ZNF333: variants seen among roughly 807,000 people sequenced by gnomAD.
ZNF333 encodes zinc finger protein 333.
ZNF333 carries 61 observed loss-of-function variants against 76.1 expected under a neutral mutation model. The ratio of observed to expected loss-of-function variants is 0.80; its 90% CI spans 0.65 to 0.99. The LOEUF is 0.99. Ranked by LOEUF, ZNF333 falls within the 50% of genes least tolerant of loss-of-function variation. ZNF333 has a pLI of 0.00. For missense variants in ZNF333, 717 were observed against 822.4 expected, an observed-to-expected ratio of 0.87 and a Z score of 1.57; for synonymous variants, 284 against 305.0, an observed-to-expected ratio of 0.93 and a Z score of 0.72.
chr19:14,720,897 A>C lies in ZNF333; in HGVS notation c.*1572A>C. ...TCAGTTTTTAAATTTATGTATATAC[A>C]TACATATATATGTTTTGAAGCAATG... On this transcript the variant is annotated 3_prime_UTR_variant, in exon 12 of 12. Coordinates refer to ENST00000292530, the MANE Select transcript of ZNF333 (RefSeq NM_032433.4). 6 of 874,442 alleles carry C rather than the reference A, an allele frequency of 6.9e-6. No homozygotes were observed. The highest frequency in any genetic ancestry group is 8.2e-6 in the Non-Finnish European group (6 of 729,158). 54.2% of individuals were successfully genotyped at this position (874,442 alleles called of 1,614,324 possible).
At chr19:14,732,327 CAT>C (rs1276477669) in exon 12 of ZNF333, 2 of 152,052 alleles carry the variant, frequency 1.3e-5, no homozygotes, top group Non-Finnish European at 2.9e-5. Context: ...AAAAAAAAGA[CAT>C]AATGCTATTG....
downstream of ZNF333, among the ~76,000 whole-genome samples, chr19:14,724,488 G>A (rs139129212): frequency 1.2e-3 from 189 of 152,302 alleles, no homozygotes; most frequent in African/African-American, 3.6e-3. Flanking sequence ...TGTTTAAGCC[G>A]GGCGCAGTGG....
chr19:14,708,564 G>A, intron 7 of ZNF333: 1 of 382,144 alleles, frequency 2.6e-6, no homozygotes, highest in Middle Eastern at 3.5e-4. Context: ...CAGCACTGCT[G>A]ATAATGGGCT....
chr19:14,720,254 C>A lies in ZNF333; in HGVS notation c.*929C>A, dbSNP rs986573656. On this transcript the variant is annotated 3_prime_UTR_variant, in exon 12 of 12. Coordinates refer to ENST00000292530, the MANE Select transcript of ZNF333 (RefSeq NM_032433.4). Reference sequence around the variant, plus strand: ...CTTGCAAGCAAGGGCAGGCCATTTCCTCCGGTCCTGGCTAGTATGAATATG... The same window carrying A: ...CTTGCAAGCAAGGGCAGGCCATTTCATCCGGTCCTGGCTAGTATGAATATG... The A allele has an allele frequency of 1.0e-6, 1 of 985,250 alleles. No homozygotes were observed. The highest frequency in any genetic ancestry group is 1.2e-6 in the Non-Finnish European group (1 of 829,938). 61.0% of individuals were successfully genotyped at this position (985,250 alleles called of 1,614,324 possible). A position where few individuals can be genotyped will look rare whatever the true frequency, so the allele number is the denominator to read the frequency against.
intron 4 of ZNF333, 23 bp from the exon 5 acceptor site, chr19:14,699,176 A>AT (rs1568528342): frequency 1.9e-6 from 3 of 1,599,578 alleles, no homozygotes; most frequent in Admixed American, 1.7e-5. Context: ...AAAGGAGTTC[A>AT]TTTTTTCTCC....
Position 14,720,136 on chromosome 19 carries a change from A to G in ZNF333, c.*811A>G, listed in dbSNP as rs1345207729. On this transcript the variant is annotated 3_prime_UTR_variant, in exon 12 of 12. Coordinates refer to ENST00000292530, the MANE Select transcript of ZNF333 (RefSeq NM_032433.4). The stretch of plus-strand genomic sequence containing the variant: ...AGGAGGCAGAGGTTGCAGTGAGCCG[A>G]GATTGCGCCACTGCACTCCAGCCTG... 8.6e-6 allele frequency: 8 copies of G among 930,796 alleles called. No homozygotes were observed. Among genetic ancestry groups the G allele is most frequent in the Non-Finnish European group, 1.0e-5 (8 of 780,502 alleles). 57.7% of individuals were successfully genotyped at this position (930,796 alleles called of 1,614,324 possible). A position where few individuals can be genotyped will look rare whatever the true frequency, so the allele number is the denominator to read the frequency against.
At chr19:14,704,932 T>A in intron 5 of ZNF333, 122 bp from the exon 6 acceptor site, 1 of 832,664 alleles carries the variant, frequency 1.2e-6, no homozygotes. Context: ...CATGAGCCAC[T>A]GCACCCATCC....
At position 14,696,861 on chromosome 19, in the gene ZNF333, C is replaced by T. The variant is rs557211047; in HGVS notation, c.223+1200C>T. Among the ~76,000 whole-genome samples the T allele has an allele frequency of 5.3e-5, 8 of 150,390 alleles. No individual in the cohort carries two copies. The East Asian group carries it at 1.6e-3, about 30-fold the overall frequency. ...TCAAGCGATTCTCCTGCCTGAGTCT[C>T]CTGAGTAGCTGGGACTACAGGTGCA... On this transcript the variant is annotated intron_variant, in intron 4 of 11. Transcript: ENST00000292530.
chr19:14,731,276 T>C, exon 12 of ZNF333: 1 of 1,280,976 alleles, frequency 7.8e-7, no homozygotes, highest in Non-Finnish European at 1.1e-6. Context: ...TACTGGGGCT[T>C]GAAGACTCCA....
chr19:14,719,322 T>C lies in ZNF333; in HGVS notation c.1995T>C (p.Asn665=), dbSNP rs761037340. 1.9e-6 allele frequency: 3 copies of C among 1,594,264 alleles called. No individual in the cohort carries two copies. Among genetic ancestry groups the C allele is most frequent in the Non-Finnish European group, 2.6e-6 (3 of 1,170,752 alleles). ...MSHPYCGPLA[N] ...ATCCATACTGTGGGCCCCTTGCTAA[T>C]TAACTTCCATTTTGTAAAAATATAA... Residue 665 remains asparagine, a synonymous_variant, in exon 12 of 12, where the codon AAT becomes AAC. Transcript: ENST00000292530.
rs771891419 is a variant in ZNF333 at position 14,705,130 on chromosome 19, G to A, written c.383G>A (p.Arg128Gln). The A allele has an allele frequency of 6.5e-5, 105 of 1,613,770 alleles. No homozygotes were observed. The highest frequency in any genetic ancestry group is 5.0e-4 in the Middle Eastern group (3 of 5,952). Reference sequence around the variant, plus strand: ...GAGACACCATTGACTCGAGAGGACCGGCCAGCTCTCCAGGAGCCGCCTTGG... The same window carrying A: ...GAGACACCATTGACTCGAGAGGACCAGCCAGCTCTCCAGGAGCCGCCTTGG... The part of the protein sequence containing the change: ...ERETPLTRED[R>Q]PALQEPPWSL... Residue 128 changes from arginine to glutamine, a missense_variant, in exon 6 of 12, where the codon CGG becomes CAG. By Grantham distance (43) the Arg-to-Gln change is conservative (BLOSUM62 1). Transcript: ENST00000292530.
chr19:14,690,286 C>T (rs1972659144), intron 1 of ZNF333, 136 bp downstream of exon 1: 1 of 152,350 alleles, frequency 6.6e-6, no homozygotes. Context: ...CGGCGTGAGG[C>T]CCACACAGTC....
rs543826715 is a variant in ZNF333 at position 14,695,150 on chromosome 19, C to T, written c.127+17C>T. 32 of 1,611,404 alleles carry T rather than the reference C, an allele frequency of 2.0e-5. No individual in the cohort carries two copies. The South Asian group carries it at 3.4e-4, about 17-fold the overall frequency. On this transcript the variant is annotated intron_variant, in intron 3 of 11. Transcript: ENST00000292530. ...CCTCCAGGGGTAAGGCTGGCGTCAC[C>T]TGGCTCCTTCCTGTACGCAGGCACT...
intron 1 of ZNF333, among the ~76,000 whole-genome samples, chr19:14,691,630 G>A (rs12980501): frequency 0.17 from 24,941 of 150,752 alleles, 2,363 homozygotes; most frequent in Middle Eastern, 0.26. Flanking sequence ...TGAAAGACAG[G>A]CACTTTAAGT....
chr19:14,722,952 A>T (rs113630013), downstream of ZNF333, among the ~76,000 whole-genome samples: 5,374 of 152,056 alleles, frequency 0.035, 125 homozygotes, highest in Middle Eastern at 0.092. Flanking sequence ...TGCCTGGCTA[A>T]TTTTTTTGTA....
At chr19:14,696,802 G>A (rs766932747) in intron 4 of ZNF333, among the ~76,000 whole-genome samples, 2 of 132,206 alleles carry the variant, frequency 1.5e-5, no homozygotes, top group Non-Finnish European at 3.1e-5. Context: ...GCAGTGGTAC[G>A]ATCTCGGCTC....
chr19:14,707,426 A>G (rs549682590), intron 7 of ZNF333, among the ~76,000 whole-genome samples: 17 of 144,374 alleles, frequency 1.2e-4, no homozygotes, highest in African/African-American at 4.3e-4. Context: ...ATAGGTTCAA[A>G]GCCACTTCTC....
intron 2 of ZNF333, 28 bp from the exon 3 acceptor site, chr19:14,694,982 C>T (rs1477133047): frequency 1.2e-6 from 2 of 1,613,696 alleles, no homozygotes; most frequent in Non-Finnish European, 1.7e-6. Flanking sequence ...GTGGTATTTG[C>T]CGAGCCAGAA....
chr19:14,702,411 T>C (rs2041982905), intron 5 of ZNF333, among the ~76,000 whole-genome samples: 2 of 152,202 alleles, frequency 1.3e-5, no homozygotes, highest in South Asian at 2.1e-4. Flanking sequence ...GTTCAGCTAC[T>C]TGGGAGGCTA....
Sources: gnomAD v4.1 joint callset for allele counts (sites outside exome capture counted in the v4.1 genomes callset) on GRCh38, gnomAD v4.1.1 for gene constraint, MANE v1.5 for transcripts, NCBI Gene and HGNC (gene_info 2026-07-23, HGNC 2026-07-21) for gene names.